The following TLL2 variants were observed in gnomAD, a reference collection of about 807,000 sequenced individuals.
TLL2 encodes the protein tolloid like 2.
TLL2 carries 106 observed loss-of-function variants against 123.0 expected under a neutral mutation model. The observed-to-expected ratio is 0.86, with a 90% confidence interval of 0.74 to 1.01. The LOEUF (loss-of-function observed/expected upper bound fraction) is 1.01. TLL2 is among the 50% of genes least tolerant of loss of function. TLL2 has a pLI of 0.00. For synonymous variants in TLL2, 494 were observed against 516.8 expected (o/e 0.96, Z 0.60); for missense variants, 1,332 against 1,336.7 (o/e 1.00, Z 0.06).
chr10:96,378,822 C>G, intron 17 of TLL2, 145 bp downstream of exon 17: 1 of 1,117,970 alleles, frequency 8.9e-7, no homozygotes, highest in East Asian at 2.5e-5. Context: ...GGAAAACTCT[C>G]CCGCAAGGAC....
At chr10:96,446,642 C>T (rs1198263456) in intron 2 of TLL2, among the ~76,000 whole-genome samples, 2 of 152,194 alleles carry the variant, frequency 1.3e-5, no homozygotes, top group Non-Finnish European at 2.9e-5. Flanking sequence ...TGTGCACTCT[C>T]TTAGTATTCG....
chr10:96,401,039 G>A (rs1846388076), intron 10 of TLL2, among the ~76,000 whole-genome samples: 1 of 152,142 alleles, frequency 6.6e-6, no homozygotes, highest in Non-Finnish European at 1.5e-5. Context: ...GAGAGAAACT[G>A]GACTAGAGAA....
intron 11 of TLL2, 118 bp downstream of exon 11, chr10:96,397,068 G>T: frequency 1.2e-6 from 1 of 855,484 alleles, no homozygotes; most frequent in Non-Finnish European, 1.8e-6. Flanking sequence ...TGTGGTGGCT[G>T]CCCCCACCCC....
At chr10:96,383,044 G>A (rs1846200117) in intron 16 of TLL2, among the ~76,000 whole-genome samples, 1 of 151,480 alleles carries the variant, frequency 6.6e-6, no homozygotes, top group Non-Finnish European at 1.5e-5. Context: ...TGGGATGGGG[G>A]TTTAGGAGTA....
chr10:96,433,471 C>G (rs959575994), intron 3 of TLL2, among the ~76,000 whole-genome samples: 6 of 152,154 alleles, frequency 3.9e-5, no homozygotes, highest in Admixed American at 1.3e-4. Context: ...ACCCCCAACT[C>G]TTGGCATCTG....
intron 2 of TLL2, among the ~76,000 whole-genome samples, chr10:96,474,174 A>G (rs752289384): frequency 1.3e-5 from 2 of 152,172 alleles, no homozygotes; most frequent in African/African-American, 4.8e-5. Context: ...CACACAGAAG[A>G]CTTTCTTTCC....
chr10:96,420,746 G>C (rs529312364), intron 7 of TLL2, among the ~76,000 whole-genome samples: 1 of 152,294 alleles, frequency 6.6e-6, no homozygotes. Flanking sequence ...ATGATGGAAT[G>C]CTAGCTTCAC....
rs1846011495 is a variant in TLL2 at position 96,365,156 on chromosome 10, C to T, written c.*2932G>A. 1 of 151,996 alleles carries T rather than the reference C, an allele frequency of 6.6e-6. No homozygotes were observed. The highest frequency in any genetic ancestry group is 1.5e-5 in the Non-Finnish European group (1 of 68,016). The allele number at this position is 151,996 out of a possible 1,614,324, so 9.4% of individuals were successfully genotyped here. A position where few individuals can be genotyped will look rare whatever the true frequency, so the allele number is the denominator to read the frequency against. On this transcript the variant is annotated 3_prime_UTR_variant, in exon 21 of 21. Coordinates refer to ENST00000357947, the MANE Select transcript of TLL2 (RefSeq NM_012465.4). The stretch of plus-strand genomic sequence containing the variant: ...CTTACAATGTTTTTTAAAAAGTTTA[C>T]GAATTTGTGTCGGGCCATATTCAAA...
intron 2 of TLL2, among the ~76,000 whole-genome samples, chr10:96,467,199 G>A (rs11188775): frequency 0.18 from 26,772 of 152,018 alleles, 2,664 homozygotes; most frequent in East Asian, 0.45. Context: ...ATTTGGGGGA[G>A]GTATTTTTTT....
chr10:96,397,853 C>G (rs1391354050), intron 10 of TLL2, among the ~76,000 whole-genome samples: 1 of 152,114 alleles, frequency 6.6e-6, no homozygotes, highest in African/African-American at 2.4e-5. Context: ...AGGAGGGTTC[C>G]TAGGATGGAG....
chr10:96,377,423 G>T (rs1846148073), intron 17 of TLL2, among the ~76,000 whole-genome samples: 1 of 152,226 alleles, frequency 6.6e-6, no homozygotes, highest in Non-Finnish European at 1.5e-5. Context: ...CCCACAACTT[G>T]TTCAATGCCT....
chr10:96,476,875 C>CACACAG lies in TLL2; in HGVS notation c.286+3473_286+3474insCTGTGT, dbSNP rs1554939732. ...TTTATGTTACACACACACACACACA[C>CACACAG]ACACACACACACACACACACACGCA... On this transcript the variant is annotated intron_variant, in intron 2 of 20. Transcript: ENST00000357947. Among the ~76,000 whole-genome samples, 49 of 144,536 alleles carry CACACAG rather than the reference C, an allele frequency of 3.4e-4. No individual in the cohort carries two copies. In the Middle Eastern group the frequency reaches 0.014, roughly 40 times the overall value. The allele number at this position is 144,536 out of a possible 152,430, so 94.8% of individuals were successfully genotyped here. A position where few individuals can be genotyped will look rare whatever the true frequency, so the allele number is the denominator to read the frequency against.
chr10:96,419,570 C>T (rs1589417959), intron 7 of TLL2, among the ~76,000 whole-genome samples: 1 of 152,318 alleles, frequency 6.6e-6, no homozygotes, highest in East Asian at 1.9e-4. Context: ...ACGCTACTCC[C>T]AAGTGCTGTC....
intron 2 of TLL2, among the ~76,000 whole-genome samples, chr10:96,458,842 T>A (rs1489197500): frequency 6.6e-6 from 1 of 151,610 alleles, no homozygotes; most frequent in Non-Finnish European, 1.5e-5. Flanking sequence ...CACCTATAAT[T>A]CCAGCACTTT....
intron 2 of TLL2, among the ~76,000 whole-genome samples, chr10:96,464,092 G>A (rs998007806): frequency 2.6e-5 from 4 of 152,152 alleles, no homozygotes; most frequent in African/African-American, 7.2e-5. Context: ...GGCCAGGTAC[G>A]GTGGCTGACA....
At chr10:96,486,069 C>T (rs564516083) in intron 1 of TLL2, among the ~76,000 whole-genome samples, 7 of 152,288 alleles carry the variant, frequency 4.6e-5, no homozygotes, top group African/African-American at 7.2e-5. Flanking sequence ...TCTGTGCTCA[C>T]ATGTTCCTGA....
chr10:96,471,725 G>C (rs1303674596), intron 2 of TLL2, among the ~76,000 whole-genome samples: 1 of 152,120 alleles, frequency 6.6e-6, no homozygotes, highest in Admixed American at 6.5e-5. Context: ...GCAAACTCAG[G>C]CCTGCTGGGC....
intron 10 of TLL2, among the ~76,000 whole-genome samples, chr10:96,398,872 T>C (rs112398296): frequency 6.9e-6 from 1 of 144,140 alleles, no homozygotes; most frequent in Non-Finnish European, 1.5e-5. Flanking sequence ...AATATTCTTT[T>C]TTTTTTTTTT....
At chr10:96,492,810 G>C (rs1229292076) in intron 1 of TLL2, among the ~76,000 whole-genome samples, 6 of 152,132 alleles carry the variant, frequency 3.9e-5, no homozygotes, top group Middle Eastern at 3.2e-3. Flanking sequence ...CAACATAGTT[G>C]CTTCTGAGAT....
Sources: allele counts gnomAD v4.1 joint callset (sites outside exome capture counted in the v4.1 genomes callset), GRCh38; gene constraint gnomAD v4.1.1; transcripts MANE v1.5; gene names NCBI Gene and HGNC (gene_info 2026-07-23, HGNC 2026-07-21).